Variants in VPS41 observed in about 807,000 individuals in gnomAD.
The protein encoded by VPS41 is VPS41 subunit of HOPS complex.
A neutral mutation model predicts 130.9 loss-of-function variants in VPS41; 85 were observed. The observed-to-expected ratio is 0.65, with a 90% CI of 0.55 to 0.78. The LOEUF is 0.78. Among genes scored for constraint, VPS41 ranks in the 30% least tolerant of loss-of-function variants. The pLI, the probability that VPS41 is intolerant of heterozygous loss-of-function variation, is 0.00. For missense variants in VPS41, 874 were observed against 1,018.7 expected (o/e 0.86, Z 1.93); for synonymous variants, 335 against 332.9 (o/e 1.01, Z -0.07).
At chr7:38,835,729 C>G (rs1785477280) in intron 4 of VPS41, among the ~76,000 whole-genome samples, 1 of 151,648 alleles carries the variant, frequency 6.6e-6, no homozygotes, top group South Asian at 2.1e-4. Flanking sequence ...TCTCTTTCAT[C>G]TATCAAAGAC....
intron 3 of VPS41, among the ~76,000 whole-genome samples, chr7:38,863,389 C>A (rs748661560): frequency 8.2e-4 from 125 of 152,228 alleles, no homozygotes; most frequent in Admixed American, 1.3e-3. Context: ...GTCCAAAATT[C>A]TCTGTATTTC....
At chr7:38,809,751 A>G in intron 7 of VPS41, among the ~76,000 whole-genome samples, 1 of 152,174 alleles carries the variant, frequency 6.6e-6, no homozygotes, top group East Asian at 1.9e-4. Context: ...CGTAACGCCA[A>G]ACAGCTGACT....
intron 25 of VPS41, among the ~76,000 whole-genome samples, chr7:38,729,741 G>A (rs1485536629): frequency 1.3e-5 from 2 of 152,086 alleles, no homozygotes; most frequent in East Asian, 3.9e-4. Flanking sequence ...GCACGATGGG[G>A]TCCAAGATCC....
At chr7:38,792,530 T>A (rs1398537737) in intron 9 of VPS41, among the ~76,000 whole-genome samples, 2 of 152,128 alleles carry the variant, frequency 1.3e-5, no homozygotes. Flanking sequence ...ACCATCAAAA[T>A]ATATCCAGGA....
chr7:38,845,892 T>C (rs1048595063), intron 4 of VPS41, among the ~76,000 whole-genome samples: 1 of 152,246 alleles, frequency 6.6e-6, no homozygotes, highest in African/African-American at 2.4e-5. Context: ...GAAAGACAAC[T>C]AAATTTTCAA....
At chr7:38,869,834 C>T (rs917922042) in intron 2 of VPS41, among the ~76,000 whole-genome samples, 2 of 152,104 alleles carry the variant, frequency 1.3e-5, no homozygotes, top group Admixed American at 1.3e-4. Context: ...ACCATTCAAA[C>T]CACCATAATT....
intron 22 of VPS41, 29 bp downstream of exon 22, chr7:38,752,147 G>A: frequency 3.1e-6 from 5 of 1,612,758 alleles, no homozygotes; most frequent in Non-Finnish European, 4.2e-6. Context: ...TTCATCCAAA[G>A]TGTACAAGTC....
intron 16 of VPS41, among the ~76,000 whole-genome samples, chr7:38,765,088 A>G (rs1584383194): frequency 1.3e-5 from 2 of 152,202 alleles, no homozygotes; most frequent in African/African-American, 2.4e-5. Context: ...TAAAACAAAT[A>G]TAGGAATACT....
chr7:38,820,064 C>T (rs1446924360), intron 6 of VPS41, among the ~76,000 whole-genome samples: 1 of 152,138 alleles, frequency 6.6e-6, no homozygotes, highest in Non-Finnish European at 1.5e-5. Context: ...GCATCCCACA[C>T]CCCATCCCCA....
At chr7:38,767,794 T>A (rs1279090540) in intron 14 of VPS41, among the ~76,000 whole-genome samples, 196 bp from the exon 15 acceptor site, 1 of 152,220 alleles carries the variant, frequency 6.6e-6, no homozygotes, top group African/African-American at 2.4e-5. Context: ...TATATTTTCA[T>A]ACATTTTAGA....
intron 22 of VPS41, 187 bp from the exon 23 acceptor site, chr7:38,745,800 C>G: frequency 1.7e-6 from 1 of 575,524 alleles, no homozygotes; most frequent in South Asian, 2.1e-5. Context: ...AGGTACTGGA[C>G]TCTACACAAT....
At chr7:38,845,286 A>C (rs965346941) in intron 4 of VPS41, among the ~76,000 whole-genome samples, 1 of 152,234 alleles carries the variant, frequency 6.6e-6, no homozygotes. Flanking sequence ...TTTTGGTACA[A>C]ATCATCTCTT....
At chr7:38,752,574 T>G (rs1048865720) in intron 21 of VPS41, among the ~76,000 whole-genome samples, 2 of 152,204 alleles carry the variant, frequency 1.3e-5, no homozygotes, top group Non-Finnish European at 2.9e-5. Flanking sequence ...CTAATCTCTC[T>G]GAGACTCAGT....
At chr7:38,821,329 A>G in intron 5 of VPS41, 64 bp from the exon 6 acceptor site, 1 of 1,083,980 alleles carries the variant, frequency 9.2e-7, no homozygotes, top group Non-Finnish European at 1.4e-6. Context: ...CTGAGTCAGT[A>G]TGAACACATA....
intron 4 of VPS41, among the ~76,000 whole-genome samples, chr7:38,859,736 C>A (rs903203222): frequency 6.6e-6 from 1 of 152,068 alleles, no homozygotes; most frequent in Non-Finnish European, 1.5e-5. Context: ...AGAATGCATC[C>A]CACTGTTAAA....
At chr7:38,765,708 A>T in intron 15 of VPS41, 47 bp from the exon 16 acceptor site, 2 of 1,232,196 alleles carry the variant, frequency 1.6e-6, no homozygotes, top group Non-Finnish European at 2.3e-6. Flanking sequence ...ATATTAAAAA[A>T]ACAAAAAACA....
chr7:38,746,932 C>T (rs148309900), intron 22 of VPS41, among the ~76,000 whole-genome samples: 5 of 152,270 alleles, frequency 3.3e-5, no homozygotes, highest in East Asian at 1.9e-4. Context: ...GAAGGAGCCC[C>T]GGTCTCTGAC....
chr7:38,896,121 T>C (rs1003413236), intron 2 of VPS41, among the ~76,000 whole-genome samples: 3 of 152,212 alleles, frequency 2.0e-5, no homozygotes, highest in African/African-American at 4.8e-5. Flanking sequence ...TTGAGCTGTT[T>C]AGTATTTGGA....
At chr7:38,818,623 C>G (rs1785107728) in intron 6 of VPS41, among the ~76,000 whole-genome samples, 1 of 152,184 alleles carries the variant, frequency 6.6e-6, no homozygotes, top group Admixed American at 6.5e-5. Flanking sequence ...CCTCGTGGCT[C>G]CACTCAGTGC....
Sources: gnomAD v4.1 joint callset for allele counts (sites outside exome capture counted in the v4.1 genomes callset) on GRCh38, gnomAD v4.1.1 for gene constraint, MANE v1.5 for transcripts, NCBI Gene and HGNC (gene_info 2026-07-23, HGNC 2026-07-21) for gene names.